ATRNL1: variants seen among roughly 807,000 people sequenced by gnomAD.
The protein encoded by ATRNL1 is attractin-like protein 1.
A neutral mutation model predicts 182.7 loss-of-function variants in ATRNL1; 95 were observed. That is an observed-to-expected ratio of 0.52 (90% CI 0.44 to 0.62). The LOEUF (loss-of-function observed/expected upper bound fraction) is 0.62, where lower values mean the gene tolerates loss of function less well. Ranked by LOEUF, ATRNL1 falls within the 20% of genes least tolerant of loss-of-function variation. ATRNL1 has a pLI of 0.00. For synonymous variants in ATRNL1, 576 were observed against 568.3 expected (o/e 1.01, Z -0.19); for missense variants, 1,471 against 1,679.5 (o/e 0.88, Z 2.17).
At chr10:115,284,674 A>T (rs1852522724) in intron 14 of ATRNL1, among the ~76,000 whole-genome samples, 1 of 152,040 alleles carries the variant, frequency 6.6e-6, no homozygotes, top group Non-Finnish European at 1.5e-5. Context: ...TTGCTTTTAA[A>T]ATTTTCCATT....
At chr10:115,355,832 T>C (rs1856479571) in intron 19 of ATRNL1, among the ~76,000 whole-genome samples, 1 of 152,086 alleles carries the variant, frequency 6.6e-6, no homozygotes, top group Non-Finnish European at 1.5e-5. Flanking sequence ...ATTTTGTTGA[T>C]CTTTTTATAG....
At chr10:115,642,916 C>T (rs1859344973) in intron 26 of ATRNL1, among the ~76,000 whole-genome samples, 1 of 152,160 alleles carries the variant, frequency 6.6e-6, no homozygotes, top group African/African-American at 2.4e-5. Flanking sequence ...CTTTTGCACC[C>T]TCAGGAAACA....
intron 8 of ATRNL1, among the ~76,000 whole-genome samples, chr10:115,213,897 G>T (rs1259147274): frequency 6.6e-6 from 1 of 151,966 alleles, no homozygotes; most frequent in Non-Finnish European, 1.5e-5. Context: ...GAGTAACAAA[G>T]TAGAGTTATT....
At position 115,553,758 on chromosome 10, in the gene ATRNL1, T is replaced by C. The variant is rs115578084; in HGVS notation, c.3795+4222T>C. On this transcript the variant is annotated intron_variant, in intron 26 of 28. Coordinates refer to ENST00000355044, the MANE Select transcript of ATRNL1 (RefSeq NM_207303.4). ...TTCTTTCCTTCTATACCTGTTTTAC[T>C]GGTACAAATCCAGACAAAAGTAATA... Among the ~76,000 whole-genome samples, 1,503 of 151,596 alleles carry C rather than the reference T, an allele frequency of 9.9e-3. 19 individuals are homozygous for C. The highest frequency in any genetic ancestry group is 0.033 in the African/African-American group (1,380 of 41,524).
intron 19 of ATRNL1, among the ~76,000 whole-genome samples, chr10:115,362,333 T>C (rs570209891): frequency 1.8e-4 from 27 of 152,184 alleles, no homozygotes; most frequent in African/African-American, 4.8e-4. Context: ...AAATTTATTT[T>C]TCATATTTTT....
intron 27 of ATRNL1, among the ~76,000 whole-genome samples, chr10:115,781,929 A>ACAATGTTTT (rs1168963818): frequency 1.3e-5 from 2 of 152,178 alleles, no homozygotes; most frequent in African/African-American, 2.4e-5. Flanking sequence ...ACTCTTACCC[A>ACAATGTTTT]CAATGTTTTT....
intron 27 of ATRNL1, among the ~76,000 whole-genome samples, chr10:115,743,118 C>G (rs879957280): frequency 1.3e-5 from 2 of 151,632 alleles, no homozygotes; most frequent in Admixed American, 1.3e-4. Context: ...CTCCATGATT[C>G]AGTTGCCTCC....
chr10:115,753,485 T>C (rs1565348574), intron 27 of ATRNL1, among the ~76,000 whole-genome samples: 1 of 152,160 alleles, frequency 6.6e-6, no homozygotes, highest in Non-Finnish European at 1.5e-5. Context: ...TTCATCCATG[T>C]CCCTGCAAAG....
intron 1 of ATRNL1, among the ~76,000 whole-genome samples, chr10:115,119,009 CTT>C (rs1844610294): frequency 6.6e-6 from 1 of 152,022 alleles, no homozygotes; most frequent in Non-Finnish European, 1.5e-5. Context: ...TATTTACTAT[CTT>C]ATAGGTTTTT....
intron 19 of ATRNL1, among the ~76,000 whole-genome samples, chr10:115,342,524 G>A (rs546770817): frequency 5.3e-5 from 8 of 151,950 alleles, no homozygotes; most frequent in African/African-American, 1.7e-4. Flanking sequence ...GTTATTGTTT[G>A]TATTTATATC....
chr10:115,379,736 A>G (rs1857883655), intron 19 of ATRNL1, among the ~76,000 whole-genome samples: 1 of 152,194 alleles, frequency 6.6e-6, no homozygotes, highest in South Asian at 2.1e-4. Flanking sequence ...TCACTCTGTA[A>G]TTCTCACATC....
intron 26 of ATRNL1, among the ~76,000 whole-genome samples, chr10:115,567,852 A>G (rs1854158223): frequency 6.6e-6 from 1 of 152,106 alleles, no homozygotes; most frequent in South Asian, 2.1e-4. Context: ...AATAATGCAT[A>G]ATAAGTAACA....
chr10:115,646,036 TACACACACACAC>T (rs58679995), intron 26 of ATRNL1, among the ~76,000 whole-genome samples: 121 of 141,662 alleles, frequency 8.5e-4, no homozygotes, highest in Admixed American at 2.7e-3. Context: ...TTTTAAAATT[TACACACACACAC>T]ACACACACAC....
At chr10:115,512,915 T>C (rs1324598866) in intron 24 of ATRNL1, among the ~76,000 whole-genome samples, 2 of 151,994 alleles carry the variant, frequency 1.3e-5, no homozygotes, top group Non-Finnish European at 2.9e-5. Context: ...TTTGTGCTTA[T>C]TCCTTTTCCT....
chr10:115,418,767 T>C (rs1395045687), intron 20 of ATRNL1, among the ~76,000 whole-genome samples: 2 of 152,132 alleles, frequency 1.3e-5, no homozygotes, highest in African/African-American at 4.8e-5. Context: ...GCAGAAACCT[T>C]TCAGGGCAGG....
intron 5 of ATRNL1, among the ~76,000 whole-genome samples, chr10:115,154,304 G>A (rs1423836272): frequency 4.6e-5 from 7 of 152,018 alleles, no homozygotes; most frequent in African/African-American, 1.7e-4. Context: ...AATATTGACA[G>A]TGGGGTGTTA....
At chr10:115,251,441 G>C (rs1850873286) in intron 10 of ATRNL1, among the ~76,000 whole-genome samples, 1 of 152,132 alleles carries the variant, frequency 6.6e-6, no homozygotes, top group Admixed American at 6.5e-5. Flanking sequence ...GTGAGTCTGT[G>C]ACCCAGTGGA....
intron 18 of ATRNL1, among the ~76,000 whole-genome samples, chr10:115,324,014 T>A (rs1168621652): frequency 5.3e-5 from 8 of 152,038 alleles, no homozygotes; most frequent in African/African-American, 1.7e-4. Flanking sequence ...CCTGACCTCG[T>A]GATCTGCCCG....
chr10:115,532,974 A>G (rs1315940469), intron 25 of ATRNL1, among the ~76,000 whole-genome samples: 4 of 151,460 alleles, frequency 2.6e-5, no homozygotes, highest in African/African-American at 4.8e-5. Flanking sequence ...CCACTTGATC[A>G]TGGTGGATAA....
Sources: gnomAD v4.1 joint callset for allele counts (sites outside exome capture counted in the v4.1 genomes callset) on GRCh38, gnomAD v4.1.1 for gene constraint, MANE v1.5 for transcripts, NCBI Gene and HGNC (gene_info 2026-07-23, HGNC 2026-07-21) for gene names.